The following VAT1L variants were observed in gnomAD, a reference collection of about 807,000 sequenced individuals.
VAT1L encodes the protein putative NADPH-dependent quinone oxidoreductase VAT1L.
In VAT1L, 34 loss-of-function variants were observed where a neutral mutation model predicts 44.1. The ratio of observed to expected loss-of-function variants is 0.77; its 90% confidence interval spans 0.59 to 1.03. VAT1L has a LOEUF of 1.03. Among genes scored for constraint, VAT1L ranks in the 50% least tolerant of loss-of-function variants. The probability of loss-of-function intolerance (pLI) is 0.00; values close to 1 mark genes in which losing one functional copy is unlikely to be tolerated. For missense variants in VAT1L, 615 were observed against 538.8 expected, an observed-to-expected ratio of 1.14 and a Z score of -1.40; for synonymous variants, 253 against 202.2, an observed-to-expected ratio of 1.25 and a Z score of -2.13.
At chr16:77,828,412 C>T (rs2016546693) in intron 3 of VAT1L, among the ~76,000 whole-genome samples, 1 of 152,016 alleles carries the variant, frequency 6.6e-6, no homozygotes, top group African/African-American at 2.4e-5. Context: ...GCCTGTAATC[C>T]CAGCACTTTG....
chr16:77,936,800 G>T (rs1266968989), intron 7 of VAT1L, among the ~76,000 whole-genome samples: 1 of 152,122 alleles, frequency 6.6e-6, no homozygotes, highest in African/African-American at 2.4e-5. Flanking sequence ...AGGGAGCAAG[G>T]GTTAGGGAGC....
intron 4 of VAT1L, among the ~76,000 whole-genome samples, chr16:77,872,249 C>T (rs569739146): frequency 6.6e-6 from 1 of 152,134 alleles, no homozygotes; most frequent in Non-Finnish European, 1.5e-5. Context: ...CCTGCGTACC[C>T]ACCTCCATGT....
chr16:77,930,062 T>C (rs1448554641), intron 7 of VAT1L, among the ~76,000 whole-genome samples: 1 of 152,192 alleles, frequency 6.6e-6, no homozygotes, highest in Non-Finnish European at 1.5e-5. Flanking sequence ...CCCATACTCC[T>C]TATCCCTTTT....
chr16:77,975,604 G>A (rs1050471489), intron 8 of VAT1L, among the ~76,000 whole-genome samples: 4 of 152,184 alleles, frequency 2.6e-5, no homozygotes, highest in Non-Finnish European at 5.9e-5. Flanking sequence ...TGGGCTCTAA[G>A]GCGTGTGGGC....
chr16:77,908,527 C>A lies in VAT1L; in HGVS notation c.1077+23725C>A, dbSNP rs542322606. On this transcript the variant is annotated intron_variant, in intron 7 of 8. Coordinates refer to ENST00000302536, the MANE Select transcript of VAT1L (RefSeq NM_020927.3). ...CTCTTCATGATTACAGATAATAGGCCCTGTTGGAGTTCAGAAAAAGCCAAG... is the reference window on the plus strand; with the variant it reads ...CTCTTCATGATTACAGATAATAGGCACTGTTGGAGTTCAGAAAAAGCCAAG... Among the ~76,000 whole-genome samples the A allele has an allele frequency of 1.9e-4, 29 of 149,572 alleles. 1 individual carries two copies. The South Asian group carries it at 3.9e-3, about 20-fold the overall frequency.
chr16:77,854,530 A>T (rs538596515), intron 3 of VAT1L, among the ~76,000 whole-genome samples: 10 of 152,208 alleles, frequency 6.6e-5, no homozygotes, highest in Non-Finnish European at 1.3e-4. Context: ...CTAAACCTCA[A>T]TGTGGGAGCT....
intron 2 of VAT1L, among the ~76,000 whole-genome samples, chr16:77,820,620 G>A (rs968981697): frequency 6.6e-6 from 1 of 152,132 alleles, no homozygotes; most frequent in Non-Finnish European, 1.5e-5. Context: ...CTAGAACAAA[G>A]GAGAGCTCTG....
chr16:77,879,743 G>A lies in VAT1L; in HGVS notation c.882+519G>A, dbSNP rs914491998. Among the ~76,000 whole-genome samples, 2 of 152,192 alleles carry A rather than the reference G, an allele frequency of 1.3e-5. No individual in the cohort carries two copies. The highest frequency in any genetic ancestry group is 2.9e-5 in the Non-Finnish European group (2 of 68,034). On this transcript the variant is annotated intron_variant, in intron 6 of 8. Coordinates refer to ENST00000302536, the MANE Select transcript of VAT1L (RefSeq NM_020927.3). The surrounding 1 kb of genome is among the most constrained non-coding windows in gnomAD (Gnocchi z 4.1). ...ATGAAACAGAGAGGTGGGAGTGTCA[G>A]AGAAACTCAAGAAAGCTACAGCTTT...
intron 7 of VAT1L, among the ~76,000 whole-genome samples, chr16:77,948,546 A>G (rs2142520793): frequency 6.6e-6 from 1 of 152,264 alleles, no homozygotes; most frequent in African/African-American, 2.4e-5. Flanking sequence ...GAAAATTTCA[A>G]ACATATAAAA....
chr16:77,973,074 A>G (rs1329942942), intron 8 of VAT1L, among the ~76,000 whole-genome samples: 1 of 151,802 alleles, frequency 6.6e-6, no homozygotes, highest in African/African-American at 2.4e-5. Flanking sequence ...CATCCCACCT[A>G]TTCTCCCTGG....
At chr16:77,923,896 C>A (rs1049332304) in intron 7 of VAT1L, among the ~76,000 whole-genome samples, 1 of 152,200 alleles carries the variant, frequency 6.6e-6, no homozygotes, top group Admixed American at 6.5e-5. Context: ...ATTTGTCAAG[C>A]TGACTGTCTC....
chr16:77,806,805 A>G (rs1352627216), intron 1 of VAT1L, among the ~76,000 whole-genome samples: 1 of 152,198 alleles, frequency 6.6e-6, no homozygotes, highest in Non-Finnish European at 1.5e-5. Context: ...TATCATAGCA[A>G]AAATGGACTG....
At chr16:77,836,939 A>G (rs1275528275) in intron 3 of VAT1L, among the ~76,000 whole-genome samples, 1 of 152,202 alleles carries the variant, frequency 6.6e-6, no homozygotes, top group Non-Finnish European at 1.5e-5. Context: ...AATAATTTCC[A>G]TACATTGTCT....
intron 7 of VAT1L, among the ~76,000 whole-genome samples, chr16:77,908,295 A>G (rs574994853): frequency 1.9e-4 from 28 of 151,258 alleles, no homozygotes; most frequent in Admixed American, 5.3e-4. Flanking sequence ...TTCCGTCTCT[A>G]TGAGAATTAC....
chr16:77,954,365 G>A (rs998874429), intron 7 of VAT1L, among the ~76,000 whole-genome samples: 2 of 152,134 alleles, frequency 1.3e-5, no homozygotes, highest in South Asian at 2.1e-4. Flanking sequence ...GGTGGCTCAC[G>A]CCTGTAATCC....
intron 3 of VAT1L, among the ~76,000 whole-genome samples, chr16:77,843,672 G>A (rs1036314471): frequency 3.3e-5 from 5 of 152,202 alleles, no homozygotes; most frequent in Non-Finnish European, 7.3e-5. Flanking sequence ...GAAAAAGGCT[G>A]TATTCAGTGC....
Position 77,979,495 on chromosome 16 carries a change from C to A in VAT1L, c.*1800C>A, listed in dbSNP as rs533426350. 2.6e-5 allele frequency: 4 copies of A among 152,286 alleles called. No homozygotes were observed. The East Asian group carries it at 7.7e-4, about 29-fold the overall frequency. The allele number at this position is 152,286 out of a possible 1,614,324, so 9.4% of individuals were successfully genotyped here. A position where few individuals can be genotyped will look rare whatever the true frequency, so the allele number is the denominator to read the frequency against. On this transcript the variant is annotated 3_prime_UTR_variant, in exon 9 of 9. Transcript: ENST00000302536. The stretch of plus-strand genomic sequence containing the variant: ...GCTGAAAAGGGGGTCTTAGGGAGAA[C>A]TGTCATCCAAGTGGCATTCCTAGTA...
intron 1 of VAT1L, among the ~76,000 whole-genome samples, chr16:77,798,524 T>C (rs918617933): frequency 6.6e-6 from 1 of 152,184 alleles, no homozygotes; most frequent in Admixed American, 6.5e-5. Context: ...ATTTGTTGAA[T>C]GAATGAATAA....
chr16:77,822,154 G>A (rs1439490789), intron 2 of VAT1L, among the ~76,000 whole-genome samples: 1 of 152,030 alleles, frequency 6.6e-6, no homozygotes, highest in Non-Finnish European at 1.5e-5. Context: ...TTTATTTAGA[G>A]ACGGAGTTTC....
Sources: allele counts gnomAD v4.1 joint callset (sites outside exome capture counted in the v4.1 genomes callset), GRCh38; gene constraint gnomAD v4.1.1; non-coding constraint Gnocchi (gnomAD v3.1); transcripts MANE v1.5; gene names NCBI Gene and HGNC (gene_info 2026-07-23, HGNC 2026-07-21).